The following TASOR2 variants were observed in gnomAD, a reference collection of about 807,000 sequenced individuals.
The protein encoded by TASOR2 is transcription activation suppressor family member 2, also known as protein TASOR 2.
TASOR2 carries 84 observed loss-of-function variants against 199.5 expected under a neutral mutation model. That is an observed-to-expected ratio of 0.42 (90% CI 0.35 to 0.50). The LOEUF is 0.50. TASOR2 is among the 20% of genes least tolerant of loss of function. The pLI, the probability that TASOR2 is intolerant of heterozygous loss-of-function variation, is 0.02. For synonymous variants in TASOR2, 1,103 were observed against 1,046.6 expected, an observed-to-expected ratio of 1.05 and a Z score of -1.04; for missense variants, 2,796 against 2,835.9, an observed-to-expected ratio of 0.99 and a Z score of 0.32.
chr10:5,761,433 T>G, exon 19 of TASOR2: 1 of 1,613,344 alleles, frequency 6.2e-7, no homozygotes. Flanking sequence ...AACCTGCAAA[T>G]TCAGCATATT....
chr10:5,685,539 A>C lies in TASOR2; in HGVS notation c.-288+364A>C, dbSNP rs1261795696. On this transcript the variant is annotated intron_variant, in intron 1 of 20. Transcript: ENST00000328090. The surrounding 1 kb of genome is among the most constrained non-coding windows in gnomAD (Gnocchi z 5.4). The stretch of plus-strand genomic sequence containing the variant: ...CGTCTTCGGGTTTGCACCGGCTGGG[A>C]AATCATTTCCTGCGGGTTCTGCGTG... Among the ~76,000 whole-genome samples, 1 of 152,038 alleles carries C rather than the reference A, an allele frequency of 6.6e-6. No individual in the cohort carries two copies. The highest frequency in any genetic ancestry group is 1.5e-5 in the Non-Finnish European group (1 of 68,012).
intron 13 of TASOR2, 115 bp from the exon 15 acceptor site, chr10:5,741,982 T>C (rs1836494626): frequency 1.1e-6 from 1 of 940,670 alleles, no homozygotes; most frequent in East Asian, 2.6e-5. Flanking sequence ...TATCTGTAAA[T>C]TTTAAAAATA....
intron 13 of TASOR2, among the ~76,000 whole-genome samples, chr10:5,741,028 G>T (rs1836344321): frequency 6.6e-6 from 1 of 152,116 alleles, no homozygotes; most frequent in East Asian, 1.9e-4. Context: ...ATTTGAACCC[G>T]GGTTCTTTCC....
At chr10:5,747,627 G>A (rs779645171) in exon 15 of TASOR2, 15 of 1,614,012 alleles carry the variant, frequency 9.3e-6, no homozygotes, top group African/African-American at 6.7e-5. Context: ...TATCACCAGC[G>A]TCTAGTCCTG....
chr10:5,709,443 A>G (rs919535206), intron 1 of TASOR2: 1 of 864,264 alleles, frequency 1.2e-6, no homozygotes, highest in Non-Finnish European at 1.5e-6. Context: ...TCCTAATACA[A>G]ATTACTCAGC....
chr10:5,763,156 C>T (rs942071125), exon 21 of TASOR2: 2 of 923,150 alleles, frequency 2.2e-6, no homozygotes, highest in East Asian at 2.8e-5. Flanking sequence ...CAATGTTCTA[C>T]AACTTGGAAA....
exon 15 of TASOR2, chr10:5,746,791 C>T (rs925712655): frequency 2.5e-6 from 4 of 1,614,196 alleles, no homozygotes; most frequent in East Asian, 2.2e-5. Flanking sequence ...CACTAAGTAC[C>T]TTTGTGCCTC....
At position 5,710,378 on chromosome 10, in the gene TASOR2, A is replaced by G. The variant is rs1831759956; in HGVS notation, c.-287-2445A>G. ...GCTATATATTGAAGAATACTGGCCT[A>G]AAGTGGAAGCATTTTTAACCATAAA... On this transcript the variant is annotated intron_variant, in intron 1 of 20. Coordinates refer to ENST00000328090, the Ensembl canonical transcript of TASOR2. The surrounding 1 kb of genome is among the most constrained non-coding windows in gnomAD (Gnocchi z 4.6). Among the ~76,000 whole-genome samples, 1 of 152,154 alleles carries G rather than the reference A, an allele frequency of 6.6e-6. No individual in the cohort carries two copies.
exon 21 of TASOR2, chr10:5,763,080 T>C (rs925596380): frequency 1.3e-6 from 2 of 1,599,066 alleles, no homozygotes; most frequent in Non-Finnish European, 1.7e-6. Context: ...AAAAAATTAG[T>C]ATTTTCCCTT....
intron 1 of TASOR2, chr10:5,712,611 T>C (rs1481747637): frequency 8.4e-7 from 1 of 1,189,630 alleles, no homozygotes; most frequent in Non-Finnish European, 1.1e-6. Flanking sequence ...ATTTTTGGTA[T>C]ATAAGCCTAG....
rs1331603557 is a variant in TASOR2, at chr10:5,689,906, T to C, written c.-288+4731T>C. On this transcript the variant is annotated intron_variant, in intron 1 of 20. Transcript: ENST00000328090. The surrounding 1 kb of genome is among the most constrained non-coding windows in gnomAD (Gnocchi z 4.1). ...AACAGGAAATCTCTGGAACTAGTCT[T>C]TTGGAAGAGGGGGTAGAGTTTTTGA... is the stretch of plus-strand genomic sequence containing the variant. 6.6e-6 allele frequency among the ~76,000 whole-genome samples: 1 copy of C among 152,218 alleles called. No individual in the cohort carries two copies. The highest frequency in any genetic ancestry group is 2.4e-5 in the African/African-American group (1 of 41,460).
chr10:5,733,064 C>T (rs1002183596), intron 11 of TASOR2, among the ~76,000 whole-genome samples: 19 of 152,272 alleles, frequency 1.2e-4, no homozygotes, highest in African/African-American at 4.3e-4. Flanking sequence ...CATAAATTGT[C>T]ACTGTTTCTC....
chr10:5,708,435 A>G lies in TASOR2; in HGVS notation c.-287-4388A>G, dbSNP rs183741266. The stretch of plus-strand genomic sequence containing the variant: ...GGTTGTATCACTGTACATCCACTAT[A>G]TCATGTTTTAGATACTCCTACACAT... On this transcript the variant is annotated intron_variant, in intron 1 of 20. Coordinates refer to ENST00000328090, the Ensembl canonical transcript of TASOR2. Among the ~76,000 whole-genome samples the G allele has an allele frequency of 1.8e-3, 277 of 152,292 alleles. No homozygotes were observed. In the Middle Eastern group the frequency reaches 0.024, roughly 13 times the overall value.
At chr10:5,727,194 C>G (rs1834157469) in intron 10 of TASOR2, 71 bp downstream of exon 11, 5 of 1,497,940 alleles carry the variant, frequency 3.3e-6, no homozygotes, top group Non-Finnish European at 4.6e-6. Context: ...CTTGACCTCT[C>G]AGCAGCACGT....
intron 7 of TASOR2, 91 bp downstream of exon 8, chr10:5,723,868 T>G (rs1332268001): frequency 2.9e-6 from 2 of 687,074 alleles, no homozygotes; most frequent in Non-Finnish European, 4.6e-6. Flanking sequence ...TGCACACTTC[T>G]GTTTCATCAT....
At chr10:5,693,944 C>G (rs547368226) in intron 1 of TASOR2, among the ~76,000 whole-genome samples, 1 of 152,082 alleles carries the variant, frequency 6.6e-6, no homozygotes, top group African/African-American at 2.4e-5. Flanking sequence ...CTCTCCCAAC[C>G]CACCAAAAAG....
chr10:5,703,769 C>T lies in TASOR2; in HGVS notation c.-287-9054C>T, dbSNP rs138484241. Among the ~76,000 whole-genome samples the T allele has an allele frequency of 6.2e-3, 938 of 151,566 alleles. 6 individuals are homozygous for T. The highest frequency in any genetic ancestry group is 9.9e-3 in the Non-Finnish European group (675 of 67,844). ...CCGCCCGCCTCTGCCTCCCAAAGTG[C>T]GGGATTACAGGCGTGAGCCACCGCG... On this transcript the variant is annotated intron_variant, in intron 1 of 20. Transcript: ENST00000328090.
chr10:5,748,511 G>C lies in TASOR2; in HGVS notation c.5090G>C (p.Gly1697Ala). The change falls in exon 15 of 21, where the codon GGT becomes GCT. Residue 1697 changes from glycine (G) to alanine (A), a missense_variant. Around this residue, in one of 3 missense-constraint regions of TASOR2, gnomAD observed 1,941 missense variants for 1,924.9 expected, o/e 1.01. Coordinates refer to ENST00000328090, the Ensembl canonical transcript of TASOR2. The surrounding 1 kb of genome is among the most constrained non-coding windows in gnomAD (Gnocchi z 5.1). Reference sequence around the variant, plus strand: ...AGAATGGCCAGTTTGCTTAAGAATGGTGAGCCTGAAGCTGAGTTACATAAA... The same window carrying C: ...AGAATGGCCAGTTTGCTTAAGAATGCTGAGCCTGAAGCTGAGTTACATAAA... The C allele has an allele frequency of 6.2e-7, 1 of 1,613,814 alleles. No homozygotes were observed. The highest frequency in any genetic ancestry group is 1.3e-5 in the African/African-American group (1 of 75,060).
At chr10:5,756,722 C>T in exon 16 of TASOR2, 1 of 1,612,088 alleles carries the variant, frequency 6.2e-7, no homozygotes, top group South Asian at 1.1e-5. Flanking sequence ...GAAGATATAT[C>T]ATCACATTTG....
Sources: gnomAD v4.1 joint callset for allele counts (sites outside exome capture counted in the v4.1 genomes callset) on GRCh38, gnomAD v4.1.1 for gene constraint, gnomAD v4.1.1 regional missense constraint, Gnocchi (gnomAD v3.1) non-coding constraint, MANE v1.5 for transcripts, NCBI Gene and HGNC (gene_info 2026-07-23, HGNC 2026-07-21) for gene names.